NRXN3: variants seen among roughly 807,000 people sequenced by gnomAD.
The protein encoded by NRXN3 is neurexin 3, also known as neurexin III.
Under a neutral mutation model 137.6 loss-of-function variants are expected in NRXN3, and 32 were observed. The ratio of observed to expected loss-of-function variants is 0.23; its 90% confidence interval spans 0.18 to 0.31. The LOEUF (loss-of-function observed/expected upper bound fraction) is 0.31. Ranked by LOEUF, NRXN3 falls within the 10% of genes least tolerant of loss-of-function variation. NRXN3 has a pLI of 1.00. For synonymous variants in NRXN3, 798 were observed against 784.5 expected, an observed-to-expected ratio of 1.02 and a Z score of -0.29; for missense variants, 1,574 against 2,062.5, an observed-to-expected ratio of 0.76 and a Z score of 4.59.
intron 2 of NRXN3, among the ~76,000 whole-genome samples, chr14:78,255,277 G>A (rs1596416431): frequency 6.6e-6 from 1 of 152,166 alleles, no homozygotes; most frequent in African/African-American, 2.4e-5. Context: ...GCACTGAAAT[G>A]GAATGAGAGT....
chr14:79,704,274 G>A (rs1187864774), intron 19 of NRXN3, among the ~76,000 whole-genome samples: 4 of 152,108 alleles, frequency 2.6e-5, no homozygotes, highest in African/African-American at 4.8e-5. Context: ...ATGGCACTTC[G>A]AGGCCCAGAC....
intron 19 of NRXN3, among the ~76,000 whole-genome samples, chr14:79,784,258 T>C (rs1476417031): frequency 6.6e-6 from 1 of 152,226 alleles, no homozygotes; most frequent in African/African-American, 2.4e-5. Context: ...CATGATTACT[T>C]CTTTCCTTCT....
chr14:79,580,708 C>T (rs1022736196), intron 16 of NRXN3, among the ~76,000 whole-genome samples: 1 of 152,034 alleles, frequency 6.6e-6, no homozygotes, highest in Non-Finnish European at 1.5e-5. Context: ...TCAGTTAACT[C>T]AGAATGTGTT....
At chr14:79,764,128 T>C (rs998528951) in intron 19 of NRXN3, among the ~76,000 whole-genome samples, 2 of 149,320 alleles carry the variant, frequency 1.3e-5, no homozygotes, top group Admixed American at 1.3e-4. Flanking sequence ...TGTAAATAAA[T>C]TATTAGGTTA....
chr14:79,501,526 G>A (rs1333544989), intron 16 of NRXN3, among the ~76,000 whole-genome samples: 1 of 152,114 alleles, frequency 6.6e-6, no homozygotes, highest in African/African-American at 2.4e-5. Flanking sequence ...CTAAAATATT[G>A]TGCATGGAAG....
rs1382748459 is a variant in NRXN3 at position 79,291,166 on chromosome 14, TAAAAC to T, written c.3263-176051_3263-176047del. ...GTCACCTTTGAATGTTCTCTTTTCTTAAAACAAACTTCTTAGATAAGTTAAACACA... is the reference window on the plus strand; with the variant it reads ...GTCACCTTTGAATGTTCTCTTTTCTTAAACTTCTTAGATAAGTTAAACACA... On this transcript the variant is annotated intron_variant, in intron 15 of 20. Coordinates refer to ENST00000335750, the MANE Select transcript of NRXN3 (RefSeq NM_001330195.2). Among the ~76,000 whole-genome samples, 9 of 152,314 alleles carry T rather than the reference TAAAAC, an allele frequency of 5.9e-5. 1 individual carries two copies. The East Asian group carries it at 1.7e-3, about 29-fold the overall frequency.
intron 15 of NRXN3, among the ~76,000 whole-genome samples, chr14:79,159,810 G>C (rs764114091): frequency 3.3e-5 from 5 of 151,754 alleles, no homozygotes; most frequent in Non-Finnish European, 7.4e-5. Flanking sequence ...CCTCAAACTA[G>C]ATCATGTTCA....
chr14:79,157,100 A>AT (rs1401948647), intron 15 of NRXN3, among the ~76,000 whole-genome samples: 6 of 151,766 alleles, frequency 4.0e-5, no homozygotes, highest in Non-Finnish European at 8.8e-5. Context: ...GCTGGTGGTC[A>AT]TGTTATTGTT....
chr14:78,939,993 G>C (rs572492068), intron 10 of NRXN3, among the ~76,000 whole-genome samples: 1 of 152,282 alleles, frequency 6.6e-6, no homozygotes, highest in South Asian at 2.1e-4. Context: ...ACACGTTGCA[G>C]CCTGTTTAAG....
chr14:79,708,649 C>A (rs1328734358), intron 19 of NRXN3, among the ~76,000 whole-genome samples: 1 of 151,976 alleles, frequency 6.6e-6, no homozygotes, highest in Non-Finnish European at 1.5e-5. Flanking sequence ...GGTTTCATAC[C>A]TTTCTGGTGC....
chr14:79,221,184 T>C (rs1285207830), intron 15 of NRXN3, among the ~76,000 whole-genome samples: 1 of 152,164 alleles, frequency 6.6e-6, no homozygotes, highest in Non-Finnish European at 1.5e-5. Flanking sequence ...TCCAAGTCTT[T>C]GCTATTGTGA....
At chr14:79,411,702 C>A (rs978390690) in intron 15 of NRXN3, among the ~76,000 whole-genome samples, 1 of 152,110 alleles carries the variant, frequency 6.6e-6, no homozygotes, top group African/African-American at 2.4e-5. Context: ...TGGTGTAAGT[C>A]TAGTGCTTTT....
intron 15 of NRXN3, among the ~76,000 whole-genome samples, chr14:79,108,178 G>C (rs2052805382): frequency 6.6e-6 from 1 of 152,082 alleles, no homozygotes; most frequent in Admixed American, 6.6e-5. Flanking sequence ...AATTCCCTTG[G>C]GTTAGAAGAC....
intron 16 of NRXN3, among the ~76,000 whole-genome samples, chr14:79,574,239 CACAT>C (rs1162701147): frequency 2.0e-5 from 3 of 151,788 alleles, no homozygotes; most frequent in Non-Finnish European, 2.9e-5. Context: ...CACACACACA[CACAT>C]ACATATATAC....
chr14:78,318,620 T>TC (rs1460126668), intron 4 of NRXN3, among the ~76,000 whole-genome samples: 7 of 152,168 alleles, frequency 4.6e-5, no homozygotes, highest in East Asian at 1.9e-4. Context: ...GGCAGCAACA[T>TC]CCCCCCCGAT....
intron 19 of NRXN3, among the ~76,000 whole-genome samples, chr14:79,725,099 T>C (rs2098876002): frequency 6.6e-6 from 1 of 152,090 alleles, no homozygotes; most frequent in Non-Finnish European, 1.5e-5. Flanking sequence ...GGTGCAGAAG[T>C]TGCAAAACTG....
chr14:78,345,038 T>A (rs1056374397), intron 4 of NRXN3, among the ~76,000 whole-genome samples: 2 of 152,056 alleles, frequency 1.3e-5, no homozygotes, highest in Non-Finnish European at 2.9e-5. Context: ...ATGAATCAGG[T>A]AAGTCAGGAG....
At chr14:78,464,706 A>G (rs2095044749) in intron 4 of NRXN3, among the ~76,000 whole-genome samples, 1 of 152,248 alleles carries the variant, frequency 6.6e-6, no homozygotes, top group African/African-American at 2.4e-5. Context: ...TCTGAGTTCC[A>G]TTCTCTAAGG....
chr14:79,643,560 A>G lies in NRXN3; in HGVS notation c.3445-20218A>G, dbSNP rs1354188686. On this transcript the variant is annotated intron_variant, in intron 16 of 20. Coordinates refer to ENST00000335750, the MANE Select transcript of NRXN3 (RefSeq NM_001330195.2). ...AAGAGAGTTTATATTTCTTAATACA[A>G]CATTGAAAGCCTAACATGATTTGGC... is the stretch of plus-strand genomic sequence containing the variant. 1.5e-5 allele frequency among the ~76,000 whole-genome samples: 2 copies of G among 135,440 alleles called. 1 individual carries two copies. Among genetic ancestry groups the G allele is most frequent in the African/African-American group, 4.9e-5 (2 of 40,744 alleles). 88.9% of individuals were successfully genotyped at this position (135,440 alleles called of 152,430 possible). A position where few individuals can be genotyped will look rare whatever the true frequency, so the allele number is the denominator to read the frequency against.
Sources: gnomAD v4.1 joint callset for allele counts (sites outside exome capture counted in the v4.1 genomes callset) on GRCh38, gnomAD v4.1.1 for gene constraint, MANE v1.5 for transcripts, NCBI Gene and HGNC (gene_info 2026-07-23, HGNC 2026-07-21) for gene names.